The following DIS3L2 variants were observed in gnomAD, a reference collection of about 807,000 sequenced individuals.
DIS3L2 encodes the protein DIS3-like exonuclease 2.
A neutral mutation model predicts 97.5 loss-of-function variants in DIS3L2; 34 were observed. The ratio of observed to expected loss-of-function variants is 0.35; its 90% CI spans 0.27 to 0.46. The LOEUF is 0.46. Among genes scored for constraint, DIS3L2 ranks in the 20% least tolerant of loss-of-function variants. DIS3L2 has a pLI of 1.00. For missense variants in DIS3L2, 1,038 were observed against 1,146.0 expected (o/e 0.91, Z 1.36); for synonymous variants, 435 against 445.2 (o/e 0.98, Z 0.29).
At chr2:232,258,422 A>C (rs1264270604) in intron 12 of DIS3L2, among the ~76,000 whole-genome samples, 1 of 152,034 alleles carries the variant, frequency 6.6e-6, no homozygotes. Flanking sequence ...GTCTCTACTA[A>C]AAATACAGAA....
chr2:231,974,521 C>T (rs531382869), intron 1 of DIS3L2, among the ~76,000 whole-genome samples: 1 of 148,012 alleles, frequency 6.8e-6, no homozygotes, highest in Admixed American at 6.8e-5. Flanking sequence ...GTTTTTATCT[C>T]TAGAAGTTTA....
At chr2:232,221,615 C>A (rs1255395434) in intron 10 of DIS3L2, among the ~76,000 whole-genome samples, 1 of 152,088 alleles carries the variant, frequency 6.6e-6, no homozygotes, top group Non-Finnish European at 1.5e-5. Flanking sequence ...ACCAGCCTGG[C>A]CAACATAGTG....
At chr2:232,147,789 AC>A (rs1395510695) in intron 8 of DIS3L2, among the ~76,000 whole-genome samples, 1 of 152,174 alleles carries the variant, frequency 6.6e-6, no homozygotes, top group Non-Finnish European at 1.5e-5. Context: ...ATAAAAATAA[AC>A]CCTTCTGCAA....
At chr2:231,982,581 C>T (rs1033050199) in intron 1 of DIS3L2, among the ~76,000 whole-genome samples, 1 of 151,898 alleles carries the variant, frequency 6.6e-6, no homozygotes, top group Non-Finnish European at 1.5e-5. Flanking sequence ...ATTATATTAC[C>T]ATTTAGTGAG....
chr2:232,014,832 C>T lies in DIS3L2; in HGVS notation c.-93-3C>T, dbSNP rs1694307211. 1.5e-6 allele frequency: 2 copies of T among 1,341,436 alleles called. No individual in the cohort carries two copies. Among genetic ancestry groups the T allele is most frequent in the Non-Finnish European group, 1.0e-6 (1 of 961,202 alleles). The allele number at this position is 1,341,436 out of a possible 1,614,324, so 83.1% of individuals were successfully genotyped here. A position where few individuals can be genotyped will look rare whatever the true frequency, so the allele number is the denominator to read the frequency against. ...CCAATTACCAATCTCTTCTTGGTTT[C>T]AGCGAATGACAACAGAGCTGCTCAA... On this transcript the variant is annotated splice_region_variant and splice_polypyrimidine_tract_variant and intron_variant, in intron 1 of 20. Coordinates refer to ENST00000325385, the MANE Select transcript of DIS3L2 (RefSeq NM_152383.5).
At chr2:232,216,833 C>CCCCT in intron 10 of DIS3L2, among the ~76,000 whole-genome samples, 1 of 145,234 alleles carries the variant, frequency 6.9e-6, no homozygotes, top group South Asian at 2.5e-4. Context: ...CCTCTCCTCT[C>CCCCT]CCCTCCCCTC....
chr2:232,136,370 G>T (rs1698358566), intron 7 of DIS3L2, 102 bp from the exon 8 acceptor site: 3 of 1,447,904 alleles, frequency 2.1e-6, no homozygotes, highest in Non-Finnish European at 2.8e-6. Context: ...TAGAAAAACT[G>T]CTGGTTCCTG....
chr2:231,969,444 G>A (rs1692829532), intron 1 of DIS3L2, among the ~76,000 whole-genome samples: 1 of 151,542 alleles, frequency 6.6e-6, no homozygotes, highest in South Asian at 2.1e-4. Context: ...CTGAGTAGCT[G>A]GGATTACAGG....
intron 9 of DIS3L2, among the ~76,000 whole-genome samples, chr2:232,177,233 CTT>C (rs1691193902): frequency 7.0e-6 from 1 of 143,384 alleles, no homozygotes; most frequent in South Asian, 2.3e-4. Flanking sequence ...GGTTCCAAGT[CTT>C]TGCTATTGTG....
intron 17 of DIS3L2, 25 bp from the exon 18 acceptor site, chr2:232,334,344 C>G (rs779473056): frequency 4.3e-6 from 7 of 1,611,552 alleles, no homozygotes; most frequent in Non-Finnish European, 5.9e-6. Flanking sequence ...GGCTCCCACT[C>G]TCATGCCTCA....
rs1267498423 is a variant in DIS3L2, at chr2:232,133,464, C to G, written c.702+2745C>G. On this transcript the variant is annotated intron_variant, in intron 7 of 20. Transcript: ENST00000325385. ...AAGATTTAAATGAGACCCAGAGTGTCTTAACATGATAACCAAAAGGTCCAG... is the reference window on the plus strand; with the variant it reads ...AAGATTTAAATGAGACCCAGAGTGTGTTAACATGATAACCAAAAGGTCCAG... Among the ~76,000 whole-genome samples the G allele has an allele frequency of 2.0e-5, 3 of 152,170 alleles. No homozygotes were observed. In the East Asian group the frequency reaches 5.8e-4, roughly 29 times the overall value.
chr2:232,337,430 C>G (rs1221210274), downstream of DIS3L2, among the ~76,000 whole-genome samples: 1 of 152,118 alleles, frequency 6.6e-6, no homozygotes, highest in Non-Finnish European at 1.5e-5. Flanking sequence ...AGGAGCCGGC[C>G]TGGGCCTGGG....
rs1291197099 is a variant in DIS3L2, at chr2:232,337,139, A to G, written c.*509A>G. 3.0e-6 allele frequency: 3 copies of G among 1,009,976 alleles called. No homozygotes were observed. In the South Asian group the frequency reaches 1.3e-4, roughly 43 times the overall value. 62.6% of individuals were successfully genotyped at this position (1,009,976 alleles called of 1,614,324 possible). On this transcript the variant is annotated 3_prime_UTR_variant, in exon 21 of 21. Transcript: ENST00000325385. ...CGATTCAGAGCTGGCTGCCTGGCAG[A>G]TGATTGATACTGGAGTCTCATTCTG...
intron 9 of DIS3L2, chr2:232,172,562 C>T: frequency 2.5e-6 from 1 of 400,602 alleles, no homozygotes; most frequent in Non-Finnish European, 5.3e-6. Context: ...TGGGTTGATT[C>T]CCCAGCTTGA....
rs140150907 is a variant in DIS3L2 at position 232,067,837 on chromosome 2, C to T, written c.367-19650C>T. Among the ~76,000 whole-genome samples, 17 of 152,214 alleles carry T rather than the reference C, an allele frequency of 1.1e-4. No homozygotes were observed. The East Asian group carries it at 2.5e-3, about 22-fold the overall frequency. On this transcript the variant is annotated intron_variant, in intron 5 of 20. Transcript: ENST00000325385. ...TCATTATATTTTACTAATACAGTGCCGCTTATCAACATAAAGTGTTCCTCT... is the reference window on the plus strand; with the variant it reads ...TCATTATATTTTACTAATACAGTGCTGCTTATCAACATAAAGTGTTCCTCT...
intron 5 of DIS3L2, among the ~76,000 whole-genome samples, chr2:232,081,848 G>C (rs1275453518): frequency 6.6e-6 from 1 of 152,192 alleles, no homozygotes; most frequent in Non-Finnish European, 1.5e-5. Context: ...GAAGTGCAGT[G>C]GTGCAGTCTT....
intron 1 of DIS3L2, among the ~76,000 whole-genome samples, chr2:231,999,227 A>C (rs1416973376): frequency 6.6e-6 from 1 of 152,140 alleles, no homozygotes; most frequent in East Asian, 1.9e-4. Flanking sequence ...CCCCTCTTCT[A>C]GGCTCATATT....
At chr2:232,233,811 G>A (rs1440199021) in intron 10 of DIS3L2, among the ~76,000 whole-genome samples, 1 of 152,216 alleles carries the variant, frequency 6.6e-6, no homozygotes, top group Non-Finnish European at 1.5e-5. Context: ...AAATTTAGGA[G>A]TGGTTTAGAT....
At chr2:232,181,954 C>T (rs1399763420) in intron 9 of DIS3L2, among the ~76,000 whole-genome samples, 1 of 151,970 alleles carries the variant, frequency 6.6e-6, no homozygotes, top group African/African-American at 2.4e-5. Flanking sequence ...GCCCGGGCGC[C>T]TGGCTAATTT....
Sources: gnomAD v4.1 joint callset for allele counts (sites outside exome capture counted in the v4.1 genomes callset) on GRCh38, gnomAD v4.1.1 for gene constraint, MANE v1.5 for transcripts, NCBI Gene and HGNC (gene_info 2026-07-23, HGNC 2026-07-21) for gene names.